Variants in SLC1A2 observed in about 807,000 individuals in gnomAD.
SLC1A2 encodes excitatory amino acid transporter 2.
In SLC1A2, 15 loss-of-function variants were observed where a neutral mutation model predicts 48.8. That is an observed-to-expected ratio of 0.31 (90% CI 0.21 to 0.47). The LOEUF is 0.47. Ranked by LOEUF, SLC1A2 falls within the 20% of genes least tolerant of loss-of-function variation. SLC1A2 has a pLI of 0.99. For missense variants in SLC1A2, 502 were observed against 730.5 expected (o/e 0.69, Z 3.61); for synonymous variants, 279 against 272.6 (o/e 1.02, Z -0.23).
rs376011501 is a variant in SLC1A2, at chr11:35,395,897, A to G, written c.17+23053T>C. ...TGTGTCCATGTGATCTCATTGTTCA[A>G]TTCCCACCTATGAGTGAGAATATGC... On this transcript the variant is annotated intron_variant, in intron 1 of 10. Coordinates refer to ENST00000278379, the MANE Select transcript of SLC1A2 (RefSeq NM_004171.4). Among the ~76,000 whole-genome samples, 31 of 138,702 alleles carry G rather than the reference A, an allele frequency of 2.2e-4. No homozygotes were observed. The East Asian group carries it at 4.1e-3, about 18-fold the overall frequency. 91.0% of individuals were successfully genotyped at this position (138,702 alleles called of 152,430 possible). A position where few individuals can be genotyped will look rare whatever the true frequency, so the allele number is the denominator to read the frequency against.
rs1950264068 is a variant in SLC1A2 at position 35,253,091 on chromosome 11, C to T, written c.*7803G>A. 1 of 152,154 alleles carries T rather than the reference C, an allele frequency of 6.6e-6. No individual in the cohort carries two copies. The highest frequency in any genetic ancestry group is 2.4e-5 in the African/African-American group (1 of 41,440). 9.4% of individuals were successfully genotyped at this position (152,154 alleles called of 1,614,324 possible). On this transcript the variant is annotated 3_prime_UTR_variant, in exon 11 of 11. Transcript: ENST00000278379. Reference sequence around the variant, plus strand: ...AGTATTTGGTGGAAGGAAGACACCTCGTCTCTGCAGTGGCTATCGTTTTAC... The same window carrying T: ...AGTATTTGGTGGAAGGAAGACACCTTGTCTCTGCAGTGGCTATCGTTTTAC...
rs913750942 is a variant in SLC1A2, at chr11:35,311,422, A to G, written c.561+776T>C. Among the ~76,000 whole-genome samples, 5 of 152,158 alleles carry G rather than the reference A, an allele frequency of 3.3e-5. 1 individual carries two copies. Among genetic ancestry groups the G allele is most frequent in the Admixed American group, 6.5e-5 (1 of 15,276 alleles). ...TGATCCCCCTGCCTCGGCCTCTCGAAGTGCTGGGATTATAGGCATGAGCCA... is the reference window on the plus strand; with the variant it reads ...TGATCCCCCTGCCTCGGCCTCTCGAGGTGCTGGGATTATAGGCATGAGCCA... On this transcript the variant is annotated intron_variant, in intron 4 of 10. Transcript: ENST00000278379.
chr11:35,392,667 A>G (rs1306973345), intron 1 of SLC1A2, among the ~76,000 whole-genome samples: 5 of 152,122 alleles, frequency 3.3e-5, no homozygotes. Context: ...CTTTTTCCCA[A>G]TGGCAGTGGA....
chr11:35,321,908 G>A (rs901227555), intron 1 of SLC1A2, among the ~76,000 whole-genome samples: 4 of 151,994 alleles, frequency 2.6e-5, no homozygotes, highest in Non-Finnish European at 4.4e-5. Flanking sequence ...CAAATCCCTC[G>A]AGGCTAATGC....
At chr11:35,365,297 A>G (rs1357436875) in intron 1 of SLC1A2, among the ~76,000 whole-genome samples, 4 of 152,144 alleles carry the variant, frequency 2.6e-5, no homozygotes, top group Non-Finnish European at 5.9e-5. Context: ...AGCCCTTGAC[A>G]TTGCTCCTTA....
chr11:35,405,812 G>C (rs1855273842), intron 1 of SLC1A2, among the ~76,000 whole-genome samples: 1 of 152,112 alleles, frequency 6.6e-6, no homozygotes, highest in Non-Finnish European at 1.5e-5. Flanking sequence ...TTATTGACTG[G>C]TAGGCAGGAA....
intron 1 of SLC1A2, among the ~76,000 whole-genome samples, chr11:35,395,413 T>C (rs1465391692): frequency 6.6e-6 from 1 of 151,892 alleles, no homozygotes; most frequent in Admixed American, 6.6e-5. Flanking sequence ...TCTTCCCACA[T>C]CACCCCTCCA....
intron 4 of SLC1A2, among the ~76,000 whole-genome samples, chr11:35,306,462 T>C (rs1353399511): frequency 6.6e-6 from 1 of 152,256 alleles, no homozygotes; most frequent in Non-Finnish European, 1.5e-5. Flanking sequence ...TAATCACAGA[T>C]AATTACACAA....
intron 5 of SLC1A2, among the ~76,000 whole-genome samples, chr11:35,302,060 C>A (rs1227700363): frequency 2.0e-5 from 3 of 152,156 alleles, no homozygotes; most frequent in Non-Finnish European, 4.4e-5. Flanking sequence ...TAGCAGAGGC[C>A]AATTAGCCAA....
upstream of SLC1A2, chr11:35,419,798 C>A: frequency 3.0e-6 from 1 of 336,212 alleles, no homozygotes; most frequent in South Asian, 2.3e-5. This position sits in a 1 kb window ranked among gnomAD's most constrained non-coding sequence, Gnocchi z 5.4. Context: ...CGGGGTGAAG[C>A]GCAGGCGACC....
intron 1 of SLC1A2, among the ~76,000 whole-genome samples, chr11:35,333,469 C>A (rs1166537666): frequency 6.7e-6 from 1 of 150,210 alleles, no homozygotes; most frequent in East Asian, 1.9e-4. Flanking sequence ...GAAAACATAA[C>A]TTTTACCTAT....
At chr11:35,274,986 C>G (rs1850395067) in intron 9 of SLC1A2, among the ~76,000 whole-genome samples, 1 of 152,234 alleles carries the variant, frequency 6.6e-6, no homozygotes, top group African/African-American at 2.4e-5. Context: ...CCTTCTCCGT[C>G]TCTAGTTCAT....
At chr11:35,389,228 T>C (rs1406023042) in intron 1 of SLC1A2, among the ~76,000 whole-genome samples, 1 of 152,220 alleles carries the variant, frequency 6.6e-6, no homozygotes, top group Non-Finnish European at 1.5e-5. Context: ...TTATTTCATA[T>C]ATTCAAATAT....
intron 1 of SLC1A2, among the ~76,000 whole-genome samples, chr11:35,401,420 A>G (rs577776622): frequency 8.4e-4 from 128 of 152,320 alleles, no homozygotes; most frequent in African/African-American, 3.0e-3. Flanking sequence ...ATTGCTACAA[A>G]GAGTCTTTTT....
At chr11:35,273,399 T>C (rs1850340633) in intron 9 of SLC1A2, among the ~76,000 whole-genome samples, 1 of 152,224 alleles carries the variant, frequency 6.6e-6, no homozygotes, top group Non-Finnish European at 1.5e-5. Context: ...TAAAGATTTC[T>C]TAGCCTGTCC....
intron 1 of SLC1A2, among the ~76,000 whole-genome samples, chr11:35,378,620 A>G (rs187713739): frequency 8.5e-5 from 13 of 152,344 alleles, no homozygotes; most frequent in Admixed American, 4.6e-4. Flanking sequence ...CAAGAAGGAC[A>G]GGGTGAAAAA....
intron 3 of SLC1A2, among the ~76,000 whole-genome samples, chr11:35,314,764 G>C (rs1851816841): frequency 6.7e-6 from 1 of 148,766 alleles, no homozygotes; most frequent in Non-Finnish European, 1.5e-5. Context: ...TGTAACATGT[G>C]GCTGTGTTTC....
At chr11:35,339,299 T>C (rs1293392631) in intron 1 of SLC1A2, among the ~76,000 whole-genome samples, 1 of 152,142 alleles carries the variant, frequency 6.6e-6, no homozygotes, top group Non-Finnish European at 1.5e-5. Context: ...GGCCCTTCTG[T>C]GTCAAGGAGT....
At chr11:35,414,590 C>A (rs1458828661) in intron 1 of SLC1A2, among the ~76,000 whole-genome samples, 1 of 152,138 alleles carries the variant, frequency 6.6e-6, no homozygotes, top group Admixed American at 6.5e-5. Flanking sequence ...AGAGATTTGC[C>A]ATAATCTGGA....
Sources: gnomAD v4.1 joint callset for allele counts (sites outside exome capture counted in the v4.1 genomes callset) on GRCh38, gnomAD v4.1.1 for gene constraint, Gnocchi (gnomAD v3.1) non-coding constraint, MANE v1.5 for transcripts, NCBI Gene and HGNC (gene_info 2026-07-23, HGNC 2026-07-21) for gene names.